Variants in PDCD10 observed in about 807,000 individuals in gnomAD.
PDCD10 encodes the protein programmed cell death protein 10.
A neutral mutation model predicts 29.2 loss-of-function variants in PDCD10; 4 were observed. That is an observed-to-expected ratio of 0.14 (90% CI 0.07 to 0.31). PDCD10 has a LOEUF of 0.31. Ranked by LOEUF, PDCD10 falls within the 10% of genes least tolerant of loss-of-function variation. The pLI, the probability that PDCD10 is intolerant of heterozygous loss-of-function variation, is 1.00. For synonymous variants in PDCD10, 70 were observed against 82.2 expected (o/e 0.85, Z 0.80); for missense variants, 183 against 257.9 (o/e 0.71, Z 1.99).
chr3:167,714,975 C>A (rs192631026), intron 3 of PDCD10, among the ~76,000 whole-genome samples: 1 of 151,198 alleles, frequency 6.6e-6, no homozygotes, highest in Non-Finnish European at 1.5e-5. Context: ...CCCAGAATAG[C>A]CAAAAAGAAT....
At chr3:167,687,825 C>T (rs566904958) in intron 6 of PDCD10, 132 bp from the exon 7 acceptor site, 106 of 659,312 alleles carry the variant, frequency 1.6e-4, no homozygotes, top group South Asian at 1.6e-3. Context: ...TTATGTTAAG[C>T]GCAATCACTT....
chr3:167,729,215 A>T (rs1724535364), intron 2 of PDCD10, among the ~76,000 whole-genome samples: 1 of 152,144 alleles, frequency 6.6e-6, no homozygotes, highest in Non-Finnish European at 1.5e-5. Flanking sequence ...CAAACACTTC[A>T]CCTGGTACTC....
chr3:167,684,045 G>A lies in PDCD10; in HGVS notation c.*263C>T. ...ATTCTTTTAAGGAATGTTATATAAT[G>A]ACACATTAAGGCGTAAATTCTTTTG... is the stretch of plus-strand genomic sequence containing the variant. On this transcript the variant is annotated 3_prime_UTR_variant, in exon 9 of 9. Transcript: ENST00000392750. 1 of 351,298 alleles carries A rather than the reference G, an allele frequency of 2.8e-6. No individual in the cohort carries two copies. The highest frequency in any genetic ancestry group is 5.4e-6 in the Non-Finnish European group (1 of 185,714). The allele number at this position is 351,298 out of a possible 1,614,324, so 21.8% of individuals were successfully genotyped here. A position where few individuals can be genotyped will look rare whatever the true frequency, so the allele number is the denominator to read the frequency against.
intron 2 of PDCD10, among the ~76,000 whole-genome samples, chr3:167,724,883 G>A (rs1723931995): frequency 6.6e-6 from 1 of 152,046 alleles, no homozygotes; most frequent in African/African-American, 2.4e-5. Context: ...AATTAAGGAG[G>A]TCCTCCCCAA....
intron 6 of PDCD10, among the ~76,000 whole-genome samples, chr3:167,691,535 C>T (rs1012936193): frequency 1.3e-5 from 2 of 152,134 alleles, no homozygotes; most frequent in Admixed American, 1.3e-4. Context: ...GGTTTTCAAA[C>T]CGCAGCTCCC....
At chr3:167,704,196 C>G (rs1021423293) in intron 4 of PDCD10, among the ~76,000 whole-genome samples, 1 of 152,108 alleles carries the variant, frequency 6.6e-6, no homozygotes, top group African/African-American at 2.4e-5. Context: ...AGAAAGAATA[C>G]CTTTTCAAGT....
At chr3:167,728,143 T>C (rs966431809) in intron 2 of PDCD10, among the ~76,000 whole-genome samples, 3 of 151,858 alleles carry the variant, frequency 2.0e-5, no homozygotes, top group Non-Finnish European at 4.4e-5. Context: ...AAAAATAAGG[T>C]AGAACCTTGG....
At chr3:167,697,302 C>A (rs1720914061) in intron 4 of PDCD10, among the ~76,000 whole-genome samples, 176 bp from the exon 5 acceptor site, 1 of 152,136 alleles carries the variant, frequency 6.6e-6, no homozygotes, top group South Asian at 2.1e-4. Flanking sequence ...AGAGCTTGTG[C>A]ACCCGACTCT....
At chr3:167,709,838 A>G (rs920803594) in intron 3 of PDCD10, among the ~76,000 whole-genome samples, 3 of 152,048 alleles carry the variant, frequency 2.0e-5, no homozygotes, top group Non-Finnish European at 4.4e-5. Context: ...CTGCTTCAGG[A>G]TAGGAAGGCA....
At chr3:167,707,869 T>C (rs1722144601) in intron 3 of PDCD10, among the ~76,000 whole-genome samples, 1 of 152,134 alleles carries the variant, frequency 6.6e-6, no homozygotes, top group Non-Finnish European at 1.5e-5. Context: ...TATGTCCATG[T>C]AACCAGTAAA....
At chr3:167,704,971 G>T in intron 3 of PDCD10, 76 bp from the exon 4 acceptor site, 2 of 831,674 alleles carry the variant, frequency 2.4e-6, no homozygotes, top group Non-Finnish European at 4.0e-6. Flanking sequence ...CCATTCTGTA[G>T]CAATCACATG....
intron 2 of PDCD10, among the ~76,000 whole-genome samples, chr3:167,732,092 T>G (rs1724877741): frequency 6.6e-6 from 1 of 152,204 alleles, no homozygotes; most frequent in South Asian, 2.1e-4. Flanking sequence ...TAATAGTATT[T>G]GAATATTTAA....
rs189238762 is a variant in PDCD10, at chr3:167,687,741, G to A, written c.396-48C>T. ...TATCAGCTACATTTGAAAGAAATTTGTGAGAGAAAAGAACATCAGCTACAT... is the reference window on the plus strand; with the variant it reads ...TATCAGCTACATTTGAAAGAAATTTATGAGAGAAAAGAACATCAGCTACAT... On this transcript the variant is annotated intron_variant, in intron 6 of 8. Coordinates refer to ENST00000392750, the MANE Select transcript of PDCD10 (RefSeq NM_007217.4). 352 of 1,019,356 alleles carry A rather than the reference G, an allele frequency of 3.5e-4. No homozygotes were observed. The highest frequency in any genetic ancestry group is 9.7e-4 in the South Asian group (75 of 76,950). 63.1% of individuals were successfully genotyped at this position (1,019,356 alleles called of 1,614,324 possible).
intron 3 of PDCD10, among the ~76,000 whole-genome samples, chr3:167,708,086 A>T (rs1398184235): frequency 6.6e-6 from 1 of 152,200 alleles, no homozygotes; most frequent in African/African-American, 2.4e-5. Context: ...ATAGCCTTTA[A>T]GAACACTTAC....
intron 4 of PDCD10, among the ~76,000 whole-genome samples, chr3:167,700,636 C>T (rs1333449952): frequency 6.6e-6 from 1 of 152,082 alleles, no homozygotes; most frequent in Non-Finnish European, 1.5e-5. Context: ...AAAGGCATAC[C>T]TATAGACCCT....
intron 2 of PDCD10, among the ~76,000 whole-genome samples, chr3:167,726,638 A>G (rs933743063): frequency 1.3e-5 from 2 of 152,222 alleles, no homozygotes; most frequent in African/African-American, 4.8e-5. Context: ...AACTGCATAT[A>G]AAATAGTTAC....
At chr3:167,718,450 C>T (rs1723238692) in intron 3 of PDCD10, among the ~76,000 whole-genome samples, 2 of 152,130 alleles carry the variant, frequency 1.3e-5, no homozygotes, top group South Asian at 4.1e-4. Flanking sequence ...CAAAGAGGGA[C>T]ATAACCAGAC....
chr3:167,684,112 A>T lies in PDCD10; in HGVS notation c.*196T>A. ...AGAATGATAATAGCAAAAGTGATGC[A>T]AAATCTTCAGTGTGAGATTATGATT... On this transcript the variant is annotated 3_prime_UTR_variant, in exon 9 of 9. Coordinates refer to ENST00000392750, the MANE Select transcript of PDCD10 (RefSeq NM_007217.4). 2.0e-6 allele frequency: 1 copy of T among 495,768 alleles called. No homozygotes were observed. The highest frequency in any genetic ancestry group is 3.7e-6 in the Non-Finnish European group (1 of 273,186). The allele number at this position is 495,768 out of a possible 1,614,324, so 30.7% of individuals were successfully genotyped here. A position where few individuals can be genotyped will look rare whatever the true frequency, so the allele number is the denominator to read the frequency against.
At chr3:167,687,958 T>C (rs372941578) in intron 6 of PDCD10, among the ~76,000 whole-genome samples, 1 of 152,280 alleles carries the variant, frequency 6.6e-6, no homozygotes, top group East Asian at 1.9e-4. Context: ...CTTTCTCAAA[T>C]CAATCACATT....
Sources: allele counts gnomAD v4.1 joint callset (sites outside exome capture counted in the v4.1 genomes callset), GRCh38; gene constraint gnomAD v4.1.1; transcripts MANE v1.5; gene names NCBI Gene and HGNC (gene_info 2026-07-23, HGNC 2026-07-21).